Variants in ADAMTS12 observed in about 807,000 individuals in gnomAD.
The protein encoded by ADAMTS12 is ADAM metallopeptidase with thrombospondin type 1 motif 12.
ADAMTS12 carries 118 observed loss-of-function variants against 167.8 expected under a neutral mutation model. The observed-to-expected ratio is 0.70, with a 90% CI of 0.61 to 0.82. The LOEUF is 0.82. Among genes scored for constraint, ADAMTS12 ranks in the 40% least tolerant of loss-of-function variants. The pLI is 0.00. For synonymous variants in ADAMTS12, 704 were observed against 716.9 expected (o/e 0.98, Z 0.29); for missense variants, 1,916 against 1,998.8 (o/e 0.96, Z 0.79).
chr5:33,741,165 C>T (rs1744563180), intron 3 of ADAMTS12, among the ~76,000 whole-genome samples: 1 of 152,176 alleles, frequency 6.6e-6, no homozygotes, highest in African/African-American at 2.4e-5. Context: ...GAGCCCTGTG[C>T]CAGCAGGATG....
intron 6 of ADAMTS12, among the ~76,000 whole-genome samples, chr5:33,660,806 CT>C (rs1741231007): frequency 6.6e-6 from 1 of 152,182 alleles, no homozygotes; most frequent in Admixed American, 6.5e-5. Flanking sequence ...CTGTCACAGG[CT>C]TATGTCAAAA....
Position 33,576,826 on chromosome 5 carries a change from C to G in ADAMTS12, c.3200G>C (p.Trp1067Ser), listed in dbSNP as rs1341003894. Residue 1067 changes from tryptophan (W) to serine (S), a missense_variant, in exon 19 of 24, where the codon TGG (tryptophan) becomes TCG (serine). Trp to Ser is a radical substitution (Grantham distance 177). Coordinates refer to ENST00000504830, the MANE Select transcript of ADAMTS12 (RefSeq NM_030955.4). ...CTCAGGTTGGGTTGAGCTATCTTGCCACTGTTTCCCACCCAGGTCTCCTTC... is the reference window on the plus strand; with the variant it reads ...CTCAGGTTGGGTTGAGCTATCTTGCGACTGTTTCCCACCCAGGTCTCCTTC... The part of the protein sequence containing the change: ...SKEGDLGGKQ[W>S]QDSSTQPELS... The G allele has an allele frequency of 6.2e-7, 1 of 1,614,172 alleles. No homozygotes were observed. The highest frequency in any genetic ancestry group is 1.7e-5 in the Admixed American group (1 of 60,018).
At chr5:33,607,404 C>G (rs962851622) in intron 16 of ADAMTS12, among the ~76,000 whole-genome samples, 1 of 152,146 alleles carries the variant, frequency 6.6e-6, no homozygotes, top group African/African-American at 2.4e-5. Flanking sequence ...AAGAGCATTC[C>G]TATGTATCTC....
At chr5:33,636,083 A>G (rs1415423450) in intron 12 of ADAMTS12, among the ~76,000 whole-genome samples, 42 of 152,188 alleles carry the variant, frequency 2.8e-4, no homozygotes, top group Admixed American at 2.7e-3. Flanking sequence ...CACATGATGA[A>G]TGCTTGCAAA....
At chr5:33,723,455 C>T (rs1743871729) in intron 3 of ADAMTS12, among the ~76,000 whole-genome samples, 1 of 152,122 alleles carries the variant, frequency 6.6e-6, no homozygotes, top group African/African-American at 2.4e-5. Context: ...TCTTCCATCC[C>T]ATAATAACTG....
chr5:33,532,760 A>G (rs1238748471), intron 23 of ADAMTS12, among the ~76,000 whole-genome samples: 1 of 152,230 alleles, frequency 6.6e-6, no homozygotes, highest in East Asian at 1.9e-4. Context: ...AAGAAGTAAA[A>G]TGACCTGGAG....
At chr5:33,701,853 A>G (rs986434455) in intron 3 of ADAMTS12, among the ~76,000 whole-genome samples, 9 of 152,146 alleles carry the variant, frequency 5.9e-5, no homozygotes, top group Non-Finnish European at 1.0e-4. Context: ...GATCTTTCCC[A>G]TTGCCTGCCT....
Position 33,524,709 on chromosome 5 carries a change from A to G in ADAMTS12, c.*2479T>C, listed in dbSNP as rs1743730349. 1 of 152,256 alleles carries G rather than the reference A, an allele frequency of 6.6e-6. No individual in the cohort carries two copies. 9.4% of individuals were successfully genotyped at this position (152,256 alleles called of 1,614,324 possible). ...CAAGGCAACAGATGATACCAACAGG[A>G]CAGAAAACAGCAAGCCCTGTCTTCA... On this transcript the variant is annotated 3_prime_UTR_variant, in exon 24 of 24. Transcript: ENST00000504830.
At chr5:33,748,337 T>C (rs1328587235) in intron 3 of ADAMTS12, among the ~76,000 whole-genome samples, 1 of 152,198 alleles carries the variant, frequency 6.6e-6, no homozygotes, top group African/African-American at 2.4e-5. Flanking sequence ...TTACCATAGA[T>C]TCTAGAAAGT....
intron 6 of ADAMTS12, among the ~76,000 whole-genome samples, chr5:33,661,017 G>A (rs1402989755): frequency 6.6e-6 from 1 of 152,070 alleles, no homozygotes; most frequent in Admixed American, 6.6e-5. Flanking sequence ...ATGTTCATGG[G>A]CAGCCTATCC....
chr5:33,631,321 C>G (rs1384898892), intron 12 of ADAMTS12, among the ~76,000 whole-genome samples: 1 of 152,108 alleles, frequency 6.6e-6, no homozygotes, highest in East Asian at 1.9e-4. Flanking sequence ...TTGTTTCTTG[C>G]AGCAAAGTAA....
chr5:33,656,542 T>C (rs918212679), intron 7 of ADAMTS12, among the ~76,000 whole-genome samples: 2 of 152,196 alleles, frequency 1.3e-5, no homozygotes, highest in African/African-American at 4.8e-5. Context: ...ATAGAAAGAA[T>C]CCATCCTTGG....
At chr5:33,838,900 T>G (rs1032910003) in intron 2 of ADAMTS12, among the ~76,000 whole-genome samples, 1 of 152,108 alleles carries the variant, frequency 6.6e-6, no homozygotes, top group Non-Finnish European at 1.5e-5. Context: ...GGACTAAAAC[T>G]CTTAGAAACA....
intron 3 of ADAMTS12, among the ~76,000 whole-genome samples, chr5:33,712,485 G>A (rs557148867): frequency 1.3e-5 from 2 of 152,258 alleles, no homozygotes; most frequent in South Asian, 2.1e-4. Flanking sequence ...CATCTTTGCA[G>A]CAGATTTATC....
chr5:33,596,078 A>C lies in ADAMTS12; in HGVS notation c.2528-18T>G, dbSNP rs755571265. On this transcript the variant is annotated intron_variant, in intron 16 of 23. Coordinates refer to ENST00000504830, the MANE Select transcript of ADAMTS12 (RefSeq NM_030955.4). ...GCGGATACCTGGGGGTCAGACAGAA[A>C]GATTCACACATATTGAATCCTGAGC... 1 of 1,613,454 alleles carries C rather than the reference A, an allele frequency of 6.2e-7. No individual in the cohort carries two copies. The highest frequency in any genetic ancestry group is 1.1e-5 in the South Asian group (1 of 91,002).
chr5:33,758,592 C>T (rs2112404274), intron 2 of ADAMTS12, among the ~76,000 whole-genome samples: 1 of 152,224 alleles, frequency 6.6e-6, no homozygotes, highest in African/African-American at 2.4e-5. Flanking sequence ...ACTAAAATTT[C>T]CAGATGTCAG....
Position 33,575,971 on chromosome 5 carries a change from A to G in ADAMTS12, c.3972+83T>C. Reference sequence around the variant, plus strand: ...CACAATAGAATATATTTTAATGCAAACTCATTTTGAAATTTTCACATGAAT... The same window carrying G: ...CACAATAGAATATATTTTAATGCAAGCTCATTTTGAAATTTTCACATGAAT... On this transcript the variant is annotated intron_variant, in intron 19 of 23. Coordinates refer to ENST00000504830, the MANE Select transcript of ADAMTS12 (RefSeq NM_030955.4). 4 of 1,515,224 alleles carry G rather than the reference A, an allele frequency of 2.6e-6. No individual in the cohort carries two copies. In the South Asian group the frequency reaches 4.1e-5, roughly 15 times the overall value. 93.9% of individuals were successfully genotyped at this position (1,515,224 alleles called of 1,614,324 possible).
chr5:33,712,495 C>T (rs1390435311), intron 3 of ADAMTS12, among the ~76,000 whole-genome samples: 2 of 152,088 alleles, frequency 1.3e-5, no homozygotes, highest in Non-Finnish European at 2.9e-5. Context: ...GCAGATTTAT[C>T]TCTTGCAGGG....
intron 2 of ADAMTS12, among the ~76,000 whole-genome samples, chr5:33,784,561 A>G (rs545685096): frequency 2.0e-4 from 31 of 152,208 alleles, no homozygotes; most frequent in Admixed American, 8.5e-4. Flanking sequence ...AAACAATCCA[A>G]AAATGAAACT....
Sources: allele counts gnomAD v4.1 joint callset (sites outside exome capture counted in the v4.1 genomes callset), GRCh38; gene constraint gnomAD v4.1.1; transcripts MANE v1.5; gene names NCBI Gene and HGNC (gene_info 2026-07-23, HGNC 2026-07-21).